Variants in KLHDC4 observed in about 807,000 individuals in gnomAD.
The protein encoded by KLHDC4 is kelch domain-containing protein 4.
A neutral mutation model predicts 62.4 loss-of-function variants in KLHDC4; 90 were observed. The observed-to-expected ratio is 1.44, with a 90% CI of 1.22 to 1.72. The LOEUF (loss-of-function observed/expected upper bound fraction) is 1.72, where lower values mean the gene tolerates loss of function less well. KLHDC4 is among the 40% of genes most tolerant of loss of function. The pLI, the probability that KLHDC4 is intolerant of heterozygous loss-of-function variation, is 0.00. For synonymous variants in KLHDC4, 386 were observed against 284.4 expected, an observed-to-expected ratio of 1.36 and a Z score of -3.59; for missense variants, 1,025 against 699.7, an observed-to-expected ratio of 1.47 and a Z score of -5.25.
exon 1 of KLHDC4, chr16:87,700,819 AGAGGGAGGAGGTTGGAGGGCG>A (rs1242575002): frequency 1.8e-4 from 16 of 89,182 alleles, no homozygotes; most frequent in East Asian, 9.4e-4. Flanking sequence ...GTTGCAGGGC[AGAGGGAGGAGGTTGGAGGGCG>A]GAGGGAGGAG....
At chr16:87,750,443 C>T (rs1349833221) in intron 4 of KLHDC4, 1 of 152,314 alleles carries the variant, frequency 6.6e-6, no homozygotes, top group African/African-American at 2.4e-5. Flanking sequence ...CCTGAGCAAC[C>T]TGGCAGCAGG....
At chr16:87,764,883 C>G (rs1340157332) in intron 1 of KLHDC4, among the ~76,000 whole-genome samples, 2 of 150,448 alleles carry the variant, frequency 1.3e-5, no homozygotes, top group Admixed American at 6.6e-5. Flanking sequence ...AGGGAAAAGT[C>G]CAACTCCATT....
chr16:87,740,103 C>A (rs1233468357), intron 5 of KLHDC4, among the ~76,000 whole-genome samples: 2 of 152,192 alleles, frequency 1.3e-5, no homozygotes, highest in Non-Finnish European at 2.9e-5. Flanking sequence ...TCTCCCCCAA[C>A]CCCCTGCACC....
intron 2 of KLHDC4, among the ~76,000 whole-genome samples, chr16:87,761,403 C>A (rs76617212): frequency 0.023 from 3,542 of 152,304 alleles, 141 homozygotes; most frequent in African/African-American, 0.081. Flanking sequence ...GTAAATCCTG[C>A]AAGGTTAATC....
rs768831918 is a variant in KLHDC4, at chr16:87,709,381, A to C, written c.1331T>G (p.Leu444Arg). 6.2e-7 allele frequency: 1 copy of C among 1,613,422 alleles called. No homozygotes were observed. Among genetic ancestry groups the C allele is most frequent in the Non-Finnish European group, 8.5e-7 (1 of 1,179,916 alleles). The change falls in exon 10 of 12, where the codon CTC becomes CGC. Residue 444 changes from leucine to arginine, a missense_variant. Physicochemically the swap from Leu to Arg is moderately radical, Grantham distance 102. Coordinates refer to ENST00000270583, the MANE Select transcript of KLHDC4 (RefSeq NM_017566.4). Reference sequence around the variant, plus strand: ...CTCAAACATGCCCCCATAGACGTAGAGCACCCCATGCTTCACAGCCAGCAT... The same window carrying C: ...CTCAAACATGCCCCCATAGACGTAGCGCACCCCATGCTTCACAGCCAGCAT... ...NAMLAVKHGVLYVYGGMFEAG... is the reference protein window; with the variant it reads ...NAMLAVKHGVRYVYGGMFEAG...
downstream of KLHDC4, among the ~76,000 whole-genome samples, chr16:87,705,744 G>T (rs974455650): frequency 6.6e-6 from 1 of 152,138 alleles, no homozygotes; most frequent in Admixed American, 6.5e-5. Context: ...ACACAATGGC[G>T]TCCATCTTCT....
At chr16:87,704,939 T>A (rs1368007923), downstream of KLHDC4, among the ~76,000 whole-genome samples, 1 of 152,186 alleles carries the variant, frequency 6.6e-6, no homozygotes, top group Admixed American at 6.5e-5. Context: ...AGGGGGAGCA[T>A]GGAGAACAAG....
intron 5 of KLHDC4, among the ~76,000 whole-genome samples, chr16:87,746,106 G>GA (rs367562364): frequency 3.3e-5 from 5 of 151,170 alleles, no homozygotes; most frequent in African/African-American, 7.3e-5. Context: ...TCTAAAAAAA[G>GA]AAAAAAAAAT....
Position 87,765,857 on chromosome 16 carries a change from G to GGCCCTTCTTCTCCTTCTT in KLHDC4, c.16_33dup (p.Lys6_Gly11dup). On this transcript the variant is annotated inframe_insertion, in exon 1 of 12. Transcript: ENST00000270583. ...TTGGCGGCCGTCTTCTCCGCGCCGCGGCCCTTCTTCTCCTTCTTGCCCTTC... is the reference window on the plus strand; with the variant it reads ...TTGGCGGCCGTCTTCTCCGCGCCGCGGCCCTTCTTCTCCTTCTTGCCCTTCTTCTCCTTCTTGCCCTTC... 9 of 1,553,440 alleles carry GGCCCTTCTTCTCCTTCTT rather than the reference G, an allele frequency of 5.8e-6. No homozygotes were observed. Among genetic ancestry groups the GGCCCTTCTTCTCCTTCTT allele is most frequent in the African/African-American group, 1.4e-5 (1 of 73,412 alleles).
chr16:87,721,439 A>AAAG (rs2038320359), intron 7 of KLHDC4, among the ~76,000 whole-genome samples: 2 of 150,304 alleles, frequency 1.3e-5, no homozygotes, highest in South Asian at 4.2e-4. Context: ...AAAAAAAAAA[A>AAAG]TACACCCAGA....
chr16:87,739,477 A>G (rs2041910218), intron 5 of KLHDC4, among the ~76,000 whole-genome samples: 1 of 138,476 alleles, frequency 7.2e-6, no homozygotes, highest in South Asian at 2.5e-4. Flanking sequence ...ATCCATCCAC[A>G]CACCAGCACG....
intron 4 of KLHDC4, among the ~76,000 whole-genome samples, chr16:87,752,156 C>T (rs1286369586): frequency 1.4e-5 from 2 of 147,272 alleles, no homozygotes; most frequent in African/African-American, 2.5e-5. Context: ...CCTGTAATCC[C>T]AGCTCTCAGG....
chr16:87,754,902 C>T (rs1303106093), intron 4 of KLHDC4, among the ~76,000 whole-genome samples: 1 of 152,154 alleles, frequency 6.6e-6, no homozygotes. Flanking sequence ...GACCGTGGGC[C>T]TAGGGGGAGT....
Position 87,746,947 on chromosome 16 carries a change from G to A in KLHDC4, c.506+1726C>T, listed in dbSNP as rs1417307930. ...CAGCTGCCACGGATGTCCCGCGTAC[G>A]ACCGAGCCTGCAGTGTGGGATGCAG... is the stretch of plus-strand genomic sequence containing the variant. On this transcript the variant is annotated intron_variant, in intron 5 of 11. Transcript: ENST00000270583. 5.9e-5 allele frequency among the ~76,000 whole-genome samples: 9 copies of A among 152,336 alleles called. No homozygotes were observed. In the South Asian group the frequency reaches 6.2e-4, roughly 11 times the overall value.
chr16:87,756,539 C>G, intron 2 of KLHDC4, 62 bp from the exon 3 acceptor site: 1 of 1,185,844 alleles, frequency 8.4e-7, no homozygotes, highest in Non-Finnish European at 1.3e-6. Context: ...GAGCGCTGTC[C>G]CCTTCCTCAC....
intron 5 of KLHDC4, 64 bp downstream of exon 5, chr16:87,748,609 C>T (rs745376485): frequency 4.5e-5 from 72 of 1,597,660 alleles, no homozygotes; most frequent in African/African-American, 6.7e-5. Flanking sequence ...TCCGAGCACT[C>T]GGGCTCAGCA....
intron 4 of KLHDC4, among the ~76,000 whole-genome samples, chr16:87,749,291 C>G (rs947501638): frequency 1.3e-5 from 2 of 152,106 alleles, no homozygotes; most frequent in Non-Finnish European, 2.9e-5. Flanking sequence ...CGCGGTGGCT[C>G]ACACCTGTAA....
rs1386633168 is a variant in KLHDC4 at position 87,708,038 on chromosome 16, G to A, written c.*39C>T. On this transcript the variant is annotated 3_prime_UTR_variant, in exon 12 of 12. Transcript: ENST00000270583. Reference sequence around the variant, plus strand: ...CACGGCTGGGTCCTGGGCGGACGTGGGCACAGCACTTGCCAGGCGCCCCTG... The same window carrying A: ...CACGGCTGGGTCCTGGGCGGACGTGAGCACAGCACTTGCCAGGCGCCCCTG... The A allele has an allele frequency of 3.8e-6, 2 of 525,376 alleles. No individual in the cohort carries two copies. The highest frequency in any genetic ancestry group is 4.5e-5 in the Admixed American group (2 of 44,434). The allele number at this position is 525,376 out of a possible 1,614,324, so 32.5% of individuals were successfully genotyped here.
At chr16:87,735,598 A>G (rs916022526) in intron 5 of KLHDC4, among the ~76,000 whole-genome samples, 2 of 152,250 alleles carry the variant, frequency 1.3e-5, no homozygotes, top group Admixed American at 1.3e-4. Context: ...TTTTCTACCT[A>G]AAAGGGGAAA....
Sources: gnomAD v4.1 joint callset for allele counts (sites outside exome capture counted in the v4.1 genomes callset) on GRCh38, gnomAD v4.1.1 for gene constraint, MANE v1.5 for transcripts, NCBI Gene and HGNC (gene_info 2026-07-23, HGNC 2026-07-21) for gene names.